The following TOP2B variants were observed in gnomAD, a reference collection of about 807,000 sequenced individuals.
TOP2B encodes the protein DNA topoisomerase II beta, also known as DNA topoisomerase 2-beta.
Under a neutral mutation model 193.5 loss-of-function variants are expected in TOP2B, and 51 were observed. That is an observed-to-expected ratio of 0.26 (90% CI 0.21 to 0.33). The LOEUF is 0.33. Among genes scored for constraint, TOP2B ranks in the 10% least tolerant of loss-of-function variants. The pLI is 1.00. For missense variants in TOP2B, 1,378 were observed against 1,909.3 expected (o/e 0.72, Z 5.19); for synonymous variants, 634 against 635.7 (o/e 1.00, Z 0.04).
At chr3:25,605,278 T>C (rs868320556) in intron 32 of TOP2B, among the ~76,000 whole-genome samples, 73 of 152,246 alleles carry the variant, frequency 4.8e-4, no homozygotes, top group African/African-American at 1.7e-3. Context: ...TCTAAAAGAA[T>C]AGTAAGTATT....
intron 7 of TOP2B, among the ~76,000 whole-genome samples, chr3:25,634,785 A>AC (rs1158974861): frequency 1.3e-4 from 18 of 139,396 alleles, no homozygotes; most frequent in East Asian, 2.1e-4. Flanking sequence ...TACCAAAAAA[A>AC]AAAAAAAAAA....
chr3:25,630,195 TGAA>T (rs890296750), intron 12 of TOP2B, 41 bp from the exon 13 acceptor site: 2 of 1,526,892 alleles, frequency 1.3e-6, no homozygotes, highest in Non-Finnish European at 1.8e-6. Context: ...TTTGAAGTGT[TGAA>T]ATATACGAGT....
At chr3:25,623,837 C>T in intron 20 of TOP2B, 91 bp from the exon 21 acceptor site, 1 of 784,064 alleles carries the variant, frequency 1.3e-6, no homozygotes, top group East Asian at 2.7e-5. Context: ...ACTGCAAAAA[C>T]AAATCTTTTG....
intron 1 of TOP2B, among the ~76,000 whole-genome samples, chr3:25,660,597 C>G (rs1286774): frequency 6.6e-6 from 1 of 152,230 alleles, no homozygotes; most frequent in Admixed American, 6.5e-5. Context: ...AAAAACAAGC[C>G]TAACTTGTGT....
At chr3:25,627,132 G>A (rs1429693367) in intron 16 of TOP2B, 55 bp downstream of exon 16, 1 of 1,239,874 alleles carries the variant, frequency 8.1e-7, no homozygotes, top group African/African-American at 1.5e-5. Flanking sequence ...GGGAGGAAAG[G>A]AATAGAAGGT....
intron 34 of TOP2B, 91 bp downstream of exon 34, chr3:25,601,009 T>TA: frequency 1.4e-6 from 2 of 1,387,148 alleles, no homozygotes; most frequent in Non-Finnish European, 2.0e-6. Flanking sequence ...ACAAAATAGA[T>TA]ACCTAGCCTC....
At chr3:25,627,345 T>C (rs1444903280) in intron 15 of TOP2B, 49 bp from the exon 16 acceptor site, 2 of 1,253,994 alleles carry the variant, frequency 1.6e-6, no homozygotes, top group East Asian at 2.4e-5. Context: ...AATGTCTGTT[T>C]AAAACCATCA....
chr3:25,600,122 G>C (rs1286742), intron 34 of TOP2B, among the ~76,000 whole-genome samples: 2 of 152,102 alleles, frequency 1.3e-5, no homozygotes, highest in Admixed American at 6.5e-5. Context: ...CTCAGACCTA[G>C]ACTCAGCACA....
Position 25,630,846 on chromosome 3 carries a change from T to C in TOP2B, c.1360A>G (p.Ser454Gly), listed in dbSNP as rs1222947464. The C allele has an allele frequency of 1.9e-6, 3 of 1,595,890 alleles. No homozygotes were observed. The South Asian group carries it at 3.4e-5, about 18-fold the overall frequency. The change falls in exon 11 of 36, where the codon AGT becomes GGT. Residue 454 changes from serine (S) to glycine (G), a missense_variant. Around this residue, in one of 9 missense-constraint regions of TOP2B, gnomAD observed 66 missense variants for 153.3 expected, o/e 0.43. Coordinates refer to ENST00000264331, the MANE Select transcript of TOP2B (RefSeq NM_001330700.2). ...LNKKCSSVKY[S>G]KIKGIPKLDD... Reference sequence around the variant, plus strand: ...AGTTTGGGAATACCTTTGATTTTACTGTATTTTACTGATGAACACTTCTTA... The same window carrying C: ...AGTTTGGGAATACCTTTGATTTTACCGTATTTTACTGATGAACACTTCTTA...
At chr3:25,654,178 G>A (rs1374559099) in intron 1 of TOP2B, among the ~76,000 whole-genome samples, 2 of 152,040 alleles carry the variant, frequency 1.3e-5, no homozygotes, top group African/African-American at 4.8e-5. Context: ...CTCACAAATG[G>A]CATAATCTTA....
chr3:25,639,094 A>AT (rs1242411623), intron 4 of TOP2B, among the ~76,000 whole-genome samples: 7 of 152,190 alleles, frequency 4.6e-5, no homozygotes, highest in Admixed American at 4.6e-4. Flanking sequence ...GTAAGTTAAT[A>AT]AGGAAGGCTG....
rs143870287 is a variant in TOP2B at position 25,621,134 on chromosome 3, T to C, written c.2728-318A>G. Among the ~76,000 whole-genome samples, 23 of 152,348 alleles carry C rather than the reference T, an allele frequency of 1.5e-4. No individual in the cohort carries two copies. The East Asian group carries it at 4.4e-3, about 29-fold the overall frequency. On this transcript the variant is annotated intron_variant, in intron 21 of 35. Coordinates refer to ENST00000264331, the MANE Select transcript of TOP2B (RefSeq NM_001330700.2). ...CTCCTTGGGCCTTACATTGAAAGCA[T>C]TTCATAGTCTGGACCCAATCTGGCT...
At chr3:25,662,584 T>C (rs1015853026) in intron 1 of TOP2B, among the ~76,000 whole-genome samples, 8 of 152,232 alleles carry the variant, frequency 5.3e-5, no homozygotes, top group Admixed American at 6.5e-5. Flanking sequence ...CAGTTTCAAA[T>C]GGATTTTTCT....
intron 25 of TOP2B, 186 bp downstream of exon 25, chr3:25,618,232 G>T: frequency 1.8e-6 from 1 of 555,134 alleles, no homozygotes; most frequent in Non-Finnish European, 3.2e-6. Flanking sequence ...AGTGCTTTGT[G>T]GTGGGTGTGT....
chr3:25,601,079 T>A, intron 34 of TOP2B, 21 bp downstream of exon 34: 1 of 1,611,200 alleles, frequency 6.2e-7, no homozygotes, highest in Non-Finnish European at 8.5e-7. Flanking sequence ...GTTTAAAGGG[T>A]TATAAGAAGA....
At chr3:25,634,048 C>G in intron 7 of TOP2B, 34 bp from the exon 8 acceptor site, 1 of 1,515,628 alleles carries the variant, frequency 6.6e-7, no homozygotes. Flanking sequence ...AATTAAAAAT[C>G]TTACACTGGC....
chr3:25,635,618 A>G (rs1703085848), intron 7 of TOP2B, among the ~76,000 whole-genome samples: 1 of 145,378 alleles, frequency 6.9e-6, no homozygotes, highest in Admixed American at 6.9e-5. Context: ...ACTGCAAATG[A>G]CTAAACTTGA....
At chr3:25,653,019 T>G (rs1366724474) in intron 1 of TOP2B, among the ~76,000 whole-genome samples, 6 of 152,152 alleles carry the variant, frequency 3.9e-5, no homozygotes, top group African/African-American at 1.4e-4. Flanking sequence ...ACCACACATA[T>G]GGCAACAGAT....
chr3:25,625,532 T>TTTTGTTTGTTTG (rs56012185), intron 18 of TOP2B, among the ~76,000 whole-genome samples: 4 of 151,552 alleles, frequency 2.6e-5, no homozygotes, highest in Admixed American at 2.0e-4. Flanking sequence ...TCATGAGGTT[T>TTTTGTTTGTTTG]TTTGTTTGTT....
Sources: gnomAD v4.1 joint callset for allele counts (sites outside exome capture counted in the v4.1 genomes callset) on GRCh38, gnomAD v4.1.1 for gene constraint, gnomAD v4.1.1 regional missense constraint, MANE v1.5 for transcripts, NCBI Gene and HGNC (gene_info 2026-07-23, HGNC 2026-07-21) for gene names.